PRPF19: variants seen among roughly 807,000 people sequenced by gnomAD.
PRPF19 encodes pre-mRNA-processing factor 19.
PRPF19 carries 2 observed loss-of-function variants against 64.2 expected under a neutral mutation model. The observed-to-expected ratio is 0.03, with a 90% CI of 0.01 to 0.10. The LOEUF is 0.10. PRPF19 is among the 10% of genes least tolerant of loss of function. PRPF19 has a pLI of 1.00. For missense variants in PRPF19, 314 were observed against 650.0 expected (o/e 0.48, Z 5.62); for synonymous variants, 226 against 251.6 (o/e 0.90, Z 0.96).
intron 1 of PRPF19, 82 bp downstream of exon 1, chr11:60,906,282 C>G: frequency 6.6e-7 from 1 of 1,508,542 alleles, no homozygotes; most frequent in South Asian, 1.3e-5. Context: ...CACCCCGGCC[C>G]GGGCGCCGCA....
At position 60,898,269 on chromosome 11, in the gene PRPF19, T is replaced by C. The variant is rs146067235; in HGVS notation, c.1143A>G (p.Glu381=). ...CAGGGAAGTTGGCCACATTAGTACG[T>C]TCCTACAGTGGCGGTGGGTAGTAAA... ...DSQIKIWDLK[E]RTNVANFPGH... Residue 381 remains glutamate (E), a splice_region_variant and synonymous_variant, in exon 14 of 16, where the codon GAA becomes GAG. Coordinates refer to ENST00000227524, the MANE Select transcript of PRPF19 (RefSeq NM_014502.5). This position sits in a 1 kb window ranked among gnomAD's most constrained non-coding sequence, Gnocchi z 4.6. 6.2e-7 allele frequency: 1 copy of C among 1,613,178 alleles called. No homozygotes were observed. The highest frequency in any genetic ancestry group is 1.3e-5 in the African/African-American group (1 of 74,974).
intron 1 of PRPF19, 145 bp from the exon 2 acceptor site, chr11:60,904,006 G>T: frequency 2.1e-6 from 2 of 951,048 alleles, no homozygotes; most frequent in Non-Finnish European, 3.0e-6. Context: ...AGCCAGTTCT[G>T]TACTGGCCCC....
chr11:60,898,457 T>C lies in PRPF19; in HGVS notation c.1140+84A>G. Reference sequence around the variant, plus strand: ...GTGTCTCTCCACCTTCAGGGCCAGGTGCCACAAGCACCTAATTAGCACTGC... The same window carrying C: ...GTGTCTCTCCACCTTCAGGGCCAGGCGCCACAAGCACCTAATTAGCACTGC... On this transcript the variant is annotated intron_variant, in intron 13 of 15. Coordinates refer to ENST00000227524, the MANE Select transcript of PRPF19 (RefSeq NM_014502.5). This position sits in a 1 kb window ranked among gnomAD's most constrained non-coding sequence, Gnocchi z 4.6. 6.3e-7 allele frequency: 1 copy of C among 1,599,694 alleles called. No homozygotes were observed. The highest frequency in any genetic ancestry group is 8.5e-7 in the Non-Finnish European group (1 of 1,171,990).
chr11:60,903,579 CT>C (rs777284230), intron 2 of PRPF19, 44 bp from the exon 3 acceptor site: 2 of 1,604,386 alleles, frequency 1.2e-6, no homozygotes, highest in Non-Finnish European at 1.7e-6. Flanking sequence ...ACCCAGGGGC[CT>C]CCCCCGCCAT....
At chr11:60,903,386 T>C in intron 3 of PRPF19, 73 bp downstream of exon 3, 1 of 1,442,918 alleles carries the variant, frequency 6.9e-7, no homozygotes, top group Non-Finnish European at 9.5e-7. Flanking sequence ...CCATCCTTCC[T>C]ACCCCCAAGT....
chr11:60,906,476 G>T lies in PRPF19; in HGVS notation c.-94C>A. The T allele has an allele frequency of 7.3e-7, 1 of 1,372,508 alleles. No individual in the cohort carries two copies. Among genetic ancestry groups the T allele is most frequent in the Non-Finnish European group, 1.0e-6 (1 of 1,003,486 alleles). 85.0% of individuals were successfully genotyped at this position (1,372,508 alleles called of 1,614,324 possible). ...CACTTCCGGTCCCCCGCTGCTGCCGGGACTGCTCCGCGGCGAGCTGGGAGC... is the reference window on the plus strand; with the variant it reads ...CACTTCCGGTCCCCCGCTGCTGCCGTGACTGCTCCGCGGCGAGCTGGGAGC... On this transcript the variant is annotated 5_prime_UTR_variant, in exon 1 of 16. Coordinates refer to ENST00000227524, the MANE Select transcript of PRPF19 (RefSeq NM_014502.5).
chr11:60,901,526 G>A lies in PRPF19; in HGVS notation c.540C>T (p.Ala180=). 1 of 1,614,178 alleles carries A rather than the reference G, an allele frequency of 6.2e-7. No homozygotes were observed. The highest frequency in any genetic ancestry group is 8.5e-7 in the Non-Finnish European group (1 of 1,180,042). The change falls in exon 7 of 16, where the codon GCC becomes GCT. Residue 180 remains alanine (A), a synonymous_variant. Coordinates refer to ENST00000227524, the MANE Select transcript of PRPF19 (RefSeq NM_014502.5). ...PEIIQKLQDK[A]TVLTTERKKR... ...TCTTGCGCTCCGTGGTTAGCACAGT[G>A]GCTTTGTCTTGAAGCTGGGGAAGAA...
intron 8 of PRPF19, 40 bp downstream of exon 8, chr11:60,901,255 G>C: frequency 1.2e-6 from 2 of 1,608,026 alleles, no homozygotes; most frequent in Non-Finnish European, 1.7e-6. Context: ...AAACAAAACG[G>C]GAGGGCTGTC....
chr11:60,901,035 G>A (rs1855978664), intron 8 of PRPF19, 106 bp from the exon 9 acceptor site: 2 of 1,305,526 alleles, frequency 1.5e-6, no homozygotes, highest in African/African-American at 1.5e-5. Flanking sequence ...TCTCAGGGGA[G>A]CAAGAGTTAC....
In PRPF19 at chr11:60,893,812, G is replaced by A. The variant is rs146266067; in HGVS notation, c.1418-2549C>T. 8.4e-3 allele frequency among the ~76,000 whole-genome samples: 1,273 copies of A among 152,170 alleles called. 15 individuals carry two copies. The highest frequency in any genetic ancestry group is 0.029 in the African/African-American group (1,206 of 41,518). Reference sequence around the variant, plus strand: ...TCTACTAAAAATACAAAAATTAGCCGGGTGTGATGGTGCCCACCTGTGCTA... The same window carrying A: ...TCTACTAAAAATACAAAAATTAGCCAGGTGTGATGGTGCCCACCTGTGCTA... On this transcript the variant is annotated intron_variant, in intron 15 of 15. Transcript: ENST00000227524.
At chr11:60,903,594 A>C in intron 2 of PRPF19, 59 bp from the exon 3 acceptor site, 1 of 1,599,412 alleles carries the variant, frequency 6.3e-7, no homozygotes, top group Non-Finnish European at 8.5e-7. Context: ...CCGCCATCAC[A>C]TCTTTTCCTT....
rs543949724 is a variant in PRPF19 at position 60,893,257 on chromosome 11, C to T, written c.1418-1994G>A. Among the ~76,000 whole-genome samples the T allele has an allele frequency of 7.9e-5, 12 of 151,800 alleles. 1 individual carries two copies. The South Asian group carries it at 2.5e-3, about 32-fold the overall frequency. On this transcript the variant is annotated intron_variant, in intron 15 of 15. Transcript: ENST00000227524. ...CTGTAATCCCAGCACTTTGGGAGGC[C>T]GAGGTGGGCAGATCACGAGGTCAGG...
At chr11:60,897,806 G>A in intron 15 of PRPF19, 40 bp downstream of exon 15, 8 of 1,561,076 alleles carry the variant, frequency 5.1e-6, no homozygotes, top group Admixed American at 1.7e-5. Flanking sequence ...CCGGGCCTGG[G>A]CACCTAGAGA....
Position 60,906,383 on chromosome 11 carries a change from G to T in PRPF19, c.-1C>A. ...ACTCACTGGAGCAGATTAGGGACATGGCGCCGTCACCGTGCTCCGAGGCGC... is the reference window on the plus strand; with the variant it reads ...ACTCACTGGAGCAGATTAGGGACATTGCGCCGTCACCGTGCTCCGAGGCGC... On this transcript the variant is annotated 5_prime_UTR_variant, in exon 1 of 16. Coordinates refer to ENST00000227524, the MANE Select transcript of PRPF19 (RefSeq NM_014502.5). 6.3e-7 allele frequency: 1 copy of T among 1,595,602 alleles called. No homozygotes were observed. The highest frequency in any genetic ancestry group is 8.5e-7 in the Non-Finnish European group (1 of 1,172,978).
intron 15 of PRPF19, among the ~76,000 whole-genome samples, chr11:60,893,605 A>C (rs1184163853): frequency 6.6e-6 from 1 of 152,208 alleles, no homozygotes; most frequent in Non-Finnish European, 1.5e-5. Flanking sequence ...CTACCAATAA[A>C]GCAAATATTG....
intron 15 of PRPF19, among the ~76,000 whole-genome samples, chr11:60,892,851 T>C (rs1373562851): frequency 6.6e-6 from 1 of 152,206 alleles, no homozygotes; most frequent in East Asian, 1.9e-4. Context: ...TGTCACAGAC[T>C]GTCATGCATT....
At chr11:60,893,307 T>C (rs891231007) in intron 15 of PRPF19, among the ~76,000 whole-genome samples, 2 of 150,312 alleles carry the variant, frequency 1.3e-5, no homozygotes, top group Middle Eastern at 3.3e-3. Flanking sequence ...CTGGCCAACA[T>C]AGTGAAACCT....
chr11:60,893,436 G>A (rs138510548), intron 15 of PRPF19, among the ~76,000 whole-genome samples: 30 of 151,982 alleles, frequency 2.0e-4, no homozygotes, highest in African/African-American at 6.3e-4. Context: ...CCCAGGAGGC[G>A]GAGGTTGCAG....
At chr11:60,900,203 T>C (rs961192586) in intron 10 of PRPF19, among the ~76,000 whole-genome samples, 1 of 152,236 alleles carries the variant, frequency 6.6e-6, no homozygotes, top group Non-Finnish European at 1.5e-5. Context: ...TTTTTACCCA[T>C]CTTGGAGGAT....
Sources: gnomAD v4.1 joint callset for allele counts (sites outside exome capture counted in the v4.1 genomes callset) on GRCh38, gnomAD v4.1.1 for gene constraint, Gnocchi (gnomAD v3.1) non-coding constraint, MANE v1.5 for transcripts, NCBI Gene and HGNC (gene_info 2026-07-23, HGNC 2026-07-21) for gene names.